The following SCN10A variants were observed in gnomAD, a reference collection of about 807,000 sequenced individuals.
SCN10A encodes sodium channel protein type 10 subunit alpha.
In SCN10A, 162 loss-of-function variants were observed where a neutral mutation model predicts 170.7. That is an observed-to-expected ratio of 0.95 (90% CI 0.84 to 1.08). SCN10A has a LOEUF of 1.08. Among genes scored for constraint, SCN10A ranks in the 50% least tolerant of loss-of-function variants. The pLI, the probability that SCN10A is intolerant of heterozygous loss-of-function variation, is 0.00. For synonymous variants in SCN10A, 985 were observed against 904.6 expected (o/e 1.09, Z -1.59); for missense variants, 2,527 against 2,436.9 (o/e 1.04, Z -0.78).
chr3:38,701,403 C>T (rs750810963), intron 27 of SCN10A, among the ~76,000 whole-genome samples: 1 of 152,230 alleles, frequency 6.6e-6, no homozygotes, highest in Non-Finnish European at 1.5e-5. Context: ...AGTCTTTCCT[C>T]ACTTTGATGG....
At chr3:38,713,038 G>C (rs1372530380) in intron 22 of SCN10A, among the ~76,000 whole-genome samples, 1 of 152,204 alleles carries the variant, frequency 6.6e-6, no homozygotes, top group African/African-American at 2.4e-5. Flanking sequence ...GCCAATGATA[G>C]TGGAGCAAAG....
intron 26 of SCN10A, among the ~76,000 whole-genome samples, chr3:38,705,142 G>C (rs866859155): frequency 1.8e-4 from 28 of 152,206 alleles, no homozygotes; most frequent in African/African-American, 6.5e-4. Context: ...ACTCTGCTTT[G>C]TGCTGATTTC....
At chr3:38,710,784 G>T in intron 24 of SCN10A, 60 bp downstream of exon 24, 1 of 1,509,286 alleles carries the variant, frequency 6.6e-7, no homozygotes, top group South Asian at 1.2e-5. Context: ...TTCAAATGCA[G>T]ACTGATATGG....
intron 1 of SCN10A, among the ~76,000 whole-genome samples, chr3:38,799,737 A>T (rs936100346): frequency 1.3e-5 from 2 of 152,142 alleles, no homozygotes; most frequent in Non-Finnish European, 2.9e-5. Flanking sequence ...TCTTTAAAAA[A>T]ATCATATGAT....
chr3:38,706,680 C>G (rs547395011), intron 26 of SCN10A, among the ~76,000 whole-genome samples: 1 of 152,206 alleles, frequency 6.6e-6, no homozygotes, highest in South Asian at 2.1e-4. Flanking sequence ...AATGGAGGAA[C>G]GCAAAGCCAT....
At chr3:38,734,429 T>C (rs1290749048) in intron 15 of SCN10A, among the ~76,000 whole-genome samples, 2 of 152,238 alleles carry the variant, frequency 1.3e-5, no homozygotes, top group South Asian at 4.1e-4. Context: ...CTCATTGATA[T>C]GGATAAAAAA....
At position 38,752,466 on chromosome 3, in the gene SCN10A, C is replaced by G; in HGVS notation, c.1508G>C (p.Ser503Thr). ...GCCAGGGGACCGGAAATGGAACACA[C>G]TGCCATGACTAGCCCGGCGTTTTCC... The part of the protein sequence containing the change: ...ASGKRRASHG[S>T]VFHFRSPGRD... The change falls in exon 12 of 28, where the codon AGT becomes ACT. Residue 503 changes from serine to threonine, a missense_variant. Transcript: ENST00000449082. 6.2e-7 allele frequency: 1 copy of G among 1,609,810 alleles called. No individual in the cohort carries two copies. Among genetic ancestry groups the G allele is most frequent in the Non-Finnish European group, 8.5e-7 (1 of 1,177,762 alleles).
In SCN10A at chr3:38,712,151, G is replaced by C; in HGVS notation, c.4089+10C>G. The C allele has an allele frequency of 6.2e-7, 1 of 1,613,154 alleles. No homozygotes were observed. The highest frequency in any genetic ancestry group is 1.7e-4 in the Middle Eastern group (1 of 6,058). ...AGCAAGAGATATGGTTGATCTCATGGTTGACTCACCACCTGCAGAAGTGCA... is the reference window on the plus strand; with the variant it reads ...AGCAAGAGATATGGTTGATCTCATGCTTGACTCACCACCTGCAGAAGTGCA... On this transcript the variant is annotated intron_variant, in intron 23 of 27. Transcript: ENST00000449082.
rs367612792 is a variant in SCN10A at position 38,697,841 on chromosome 3, G to A, written c.5379C>T (p.Val1793=). Residue 1793 remains valine (V), a synonymous_variant, in exon 28 of 28, where the codon GTC becomes GTT. Coordinates refer to ENST00000449082, the MANE Select transcript of SCN10A (RefSeq NM_006514.4). ...CCAAGCAGTGGATCTTATCTCCAGG[G>A]ACCAAAGGCAGGTCCATCTGGATCA... ...NILIQMDLPL[V]PGDKIHCLDI... is the part of the protein sequence containing the mutation. The A allele has an allele frequency of 6.2e-7, 1 of 1,614,030 alleles. No homozygotes were observed. Among genetic ancestry groups the A allele is most frequent in the Non-Finnish European group, 8.5e-7 (1 of 1,180,036 alleles).
chr3:38,807,848 C>T (rs1347307605), intron 1 of SCN10A, among the ~76,000 whole-genome samples: 1 of 152,150 alleles, frequency 6.6e-6, no homozygotes, highest in Non-Finnish European at 1.5e-5. Context: ...CCTCTCCCCA[C>T]CTCTTCACAT....
At chr3:38,784,474 A>G (rs972248711) in intron 4 of SCN10A, among the ~76,000 whole-genome samples, 1 of 152,140 alleles carries the variant, frequency 6.6e-6, no homozygotes, top group Non-Finnish European at 1.5e-5. Context: ...TATTGATGGA[A>G]TGTATCTCAA....
At chr3:38,813,492 C>T (rs868800889) in intron 1 of SCN10A, among the ~76,000 whole-genome samples, 1 of 152,158 alleles carries the variant, frequency 6.6e-6, no homozygotes, top group African/African-American at 2.4e-5. Context: ...TTTGTGCATC[C>T]CCTGTTTAAT....
intron 1 of SCN10A, among the ~76,000 whole-genome samples, chr3:38,796,689 C>A (rs1450906044): frequency 6.6e-6 from 1 of 152,242 alleles, no homozygotes; most frequent in East Asian, 1.9e-4. Flanking sequence ...TTTTGTCTGG[C>A]TAATCCTCTC....
chr3:38,742,357 G>T lies in SCN10A; in HGVS notation c.2040C>A (p.Ile680=). The change falls in exon 14 of 28, where the codon ATC becomes ATA. Residue 680 remains isoleucine, a synonymous_variant. Coordinates refer to ENST00000449082, the MANE Select transcript of SCN10A (RefSeq NM_006514.4). ...TITLCIVVNT[I]FMAMEHHGMS... is the part of the protein sequence containing the mutation. ...TGCCATGGTGCTCCATGGCCATGAAGATGGTGTTCACCACGATGCACAAGG... is the reference window on the plus strand; with the variant it reads ...TGCCATGGTGCTCCATGGCCATGAATATGGTGTTCACCACGATGCACAAGG... 6.2e-7 allele frequency: 1 copy of T among 1,614,228 alleles called. No individual in the cohort carries two copies. Among genetic ancestry groups the T allele is most frequent in the South Asian group, 1.1e-5 (1 of 91,084 alleles).
chr3:38,705,823 A>G (rs1322520392), intron 26 of SCN10A, among the ~76,000 whole-genome samples: 2 of 152,168 alleles, frequency 1.3e-5, no homozygotes, highest in East Asian at 3.8e-4. Context: ...GCCACAAGTA[A>G]AGGCCAGTGT....
intron 4 of SCN10A, among the ~76,000 whole-genome samples, chr3:38,788,216 CAAAAAA>C (rs561959910): frequency 4.1e-5 from 4 of 97,836 alleles, no homozygotes; most frequent in Non-Finnish European, 4.0e-5. Context: ...TTATGATTAG[CAAAAAA>C]AAAAAAAAAA....
Position 38,726,681 on chromosome 3 carries a change from A to T in SCN10A, c.3012T>A (p.Ser1004=). ...CATCATCCTCCAAGTCATCAAGATCAGATTCACCCTCAGCAATGGGCACAG... is the reference window on the plus strand; with the variant it reads ...CATCATCCTCCAAGTCATCAAGATCTGATTCACCCTCAGCAATGGGCACAG... The part of the protein sequence containing the change: ...WVSVPIAEGE[S]DLDDLEDDGG... The change falls in exon 17 of 28, where the codon TCT becomes TCA. Residue 1004 remains serine, a synonymous_variant. Coordinates refer to ENST00000449082, the MANE Select transcript of SCN10A (RefSeq NM_006514.4). The T allele has an allele frequency of 2.5e-6, 4 of 1,610,690 alleles. No homozygotes were observed. Among genetic ancestry groups the T allele is most frequent in the Non-Finnish European group, 3.4e-6 (4 of 1,177,212 alleles).
Position 38,696,979 on chromosome 3 carries a change from C to T in SCN10A, c.*370G>A. 1 of 273,956 alleles carries T rather than the reference C, an allele frequency of 3.7e-6. No individual in the cohort carries two copies. The highest frequency in any genetic ancestry group is 7.0e-6 in the Non-Finnish European group (1 of 142,544). The allele number at this position is 273,956 out of a possible 1,614,324, so 17.0% of individuals were successfully genotyped here. A position where few individuals can be genotyped will look rare whatever the true frequency, so the allele number is the denominator to read the frequency against. Reference sequence around the variant, plus strand: ...TGCTCCACAGAGGACTACCTTGGACCTTCAGTAATGTTCTTGTTCTATATC... The same window carrying T: ...TGCTCCACAGAGGACTACCTTGGACTTTCAGTAATGTTCTTGTTCTATATC... On this transcript the variant is annotated 3_prime_UTR_variant, in exon 28 of 28. Transcript: ENST00000449082.
At position 38,793,786 on chromosome 3, in the gene SCN10A, G is replaced by A. The variant is rs771128445; in HGVS notation, c.225C>T (p.Ile75=). 18 of 1,613,700 alleles carry A rather than the reference G, an allele frequency of 1.1e-5. No homozygotes were observed. The South Asian group carries it at 1.2e-4, about 11-fold the overall frequency. The change falls in exon 2 of 28, where the codon ATC becomes ATT. Residue 75 remains isoleucine, a synonymous_variant. Transcript: ENST00000449082. Reference sequence around the variant, plus strand: ...GATCTAGATCCTCCAGGGGCTCCCCGATCAGTTCTGCTGGGAGCTCACCAT... The same window carrying A: ...GATCTAGATCCTCCAGGGGCTCCCCAATCAGTTCTGCTGGGAGCTCACCAT... ...KFYGELPAEL[I]GEPLEDLDPF...
Sources: allele counts gnomAD v4.1 joint callset (sites outside exome capture counted in the v4.1 genomes callset), GRCh38; gene constraint gnomAD v4.1.1; transcripts MANE v1.5; gene names NCBI Gene and HGNC (gene_info 2026-07-23, HGNC 2026-07-21).